The following EFCAB13 variants were observed in gnomAD, a reference collection of about 807,000 sequenced individuals.
EFCAB13 encodes the protein EF-hand calcium-binding domain-containing protein 13.
Under a neutral mutation model 110.2 loss-of-function variants are expected in EFCAB13, and 91 were observed. The ratio of observed to expected loss-of-function variants is 0.83; its 90% CI spans 0.70 to 0.98. The LOEUF (loss-of-function observed/expected upper bound fraction) is 0.98, where lower values mean the gene tolerates loss of function less well. Among genes scored for constraint, EFCAB13 ranks in the 50% least tolerant of loss-of-function variants. The pLI, the probability that EFCAB13 is intolerant of heterozygous loss-of-function variation, is 0.00. For missense variants in EFCAB13, 968 were observed against 1,119.4 expected (o/e 0.86, Z 1.93); for synonymous variants, 323 against 369.9 (o/e 0.87, Z 1.45).
In EFCAB13 at chr17:47,429,862, C is replaced by T. The variant is rs934978890; in HGVS notation, c.2539C>T (p.Leu847=). 3 of 1,611,766 alleles carry T rather than the reference C, an allele frequency of 1.9e-6. No homozygotes were observed. Among genetic ancestry groups the T allele is most frequent in the Non-Finnish European group, 2.5e-6 (3 of 1,178,502 alleles). ...TACTACCCAAATTCTCCAGAATGAT[C>T]TAGTTGATGTCTCTGACCTCAAGAC... ...LATTQILQND[L]VDVSDLKTLL... The change falls in exon 24 of 25, where the codon CTA becomes TTA. Residue 847 remains leucine (L), a synonymous_variant. Coordinates refer to ENST00000331493, the MANE Select transcript of EFCAB13 (RefSeq NM_152347.5).
chr17:47,363,838 A>G (rs1202721819), intron 10 of EFCAB13, among the ~76,000 whole-genome samples: 1 of 152,172 alleles, frequency 6.6e-6, no homozygotes, highest in Non-Finnish European at 1.5e-5. Flanking sequence ...TGGAGATAGA[A>G]TCAGGCCACA....
Position 47,371,068 on chromosome 17 carries a change from T to G in EFCAB13, c.877+560T>G, listed in dbSNP as rs1173947927. Reference sequence around the variant, plus strand: ...TGCCCAGTTTTTAATGGTTGTTTTTTTTTTTTTTTTTTTTTACTGTTGTTT... The same window carrying G: ...TGCCCAGTTTTTAATGGTTGTTTTTGTTTTTTTTTTTTTTTACTGTTGTTT... On this transcript the variant is annotated intron_variant, in intron 11 of 24. Transcript: ENST00000331493. Among the ~76,000 whole-genome samples the G allele has an allele frequency of 2.7e-5, 4 of 150,456 alleles. No individual in the cohort carries two copies. The East Asian group carries it at 7.7e-4, about 29-fold the overall frequency.
intron 9 of EFCAB13, among the ~76,000 whole-genome samples, chr17:47,359,278 A>C (rs1334298490): frequency 6.6e-6 from 1 of 152,124 alleles, no homozygotes; most frequent in Non-Finnish European, 1.5e-5. Context: ...AGGTTGCAGT[A>C]AGCCGAGATC....
At chr17:47,397,251 T>G (rs1182750187) in intron 17 of EFCAB13, among the ~76,000 whole-genome samples, 1 of 152,148 alleles carries the variant, frequency 6.6e-6, no homozygotes, top group Non-Finnish European at 1.5e-5. Flanking sequence ...TAGCCGCGAG[T>G]GATCCGCCAG....
At chr17:47,373,768 C>T (rs2065598487) in intron 11 of EFCAB13, among the ~76,000 whole-genome samples, 2 of 152,104 alleles carry the variant, frequency 1.3e-5, no homozygotes, top group African/African-American at 2.4e-5. Flanking sequence ...TGTTAATTCT[C>T]ATAGAGTCTA....
intron 22 of EFCAB13, among the ~76,000 whole-genome samples, chr17:47,414,239 ATG>A (rs34673520): frequency 5.3e-5 from 8 of 151,498 alleles, no homozygotes; most frequent in South Asian, 4.2e-4. Context: ...GTGACTGTGT[ATG>A]TGTGTGTGTG....
At position 47,374,139 on chromosome 17, in the gene EFCAB13, A is replaced by G. The variant is rs143225815; in HGVS notation, c.878-333A>G. ...TGCCTTTTATAAGTAAGGAATTTCT[A>G]TCTGTATTAGCTTATTAATCTATTA... On this transcript the variant is annotated intron_variant, in intron 11 of 24. Coordinates refer to ENST00000331493, the MANE Select transcript of EFCAB13 (RefSeq NM_152347.5). Among the ~76,000 whole-genome samples the G allele has an allele frequency of 3.9e-5, 6 of 152,232 alleles. No homozygotes were observed. The East Asian group carries it at 1.2e-3, about 29-fold the overall frequency.
In EFCAB13 at chr17:47,324,010, G is replaced by C. The variant is rs1567775759; in HGVS notation, c.-382G>C. The C allele has an allele frequency of 6.6e-6, 1 of 152,580 alleles. No individual in the cohort carries two copies. The highest frequency in any genetic ancestry group is 1.5e-5 in the Non-Finnish European group (1 of 68,384). The allele number at this position is 152,580 out of a possible 1,614,324, so 9.5% of individuals were successfully genotyped here. On this transcript the variant is annotated 5_prime_UTR_variant, in exon 1 of 25. Coordinates refer to ENST00000331493, the MANE Select transcript of EFCAB13 (RefSeq NM_152347.5). Reference sequence around the variant, plus strand: ...CTAGAGCAGCGCCGCCCGAGGGGCGGCAGGGGCTGACCACAGAGAGCGCGG... The same window carrying C: ...CTAGAGCAGCGCCGCCCGAGGGGCGCCAGGGGCTGACCACAGAGAGCGCGG...
chr17:47,326,203 C>G (rs1598713027), intron 2 of EFCAB13, 23 bp from the exon 3 acceptor site: 1 of 151,930 alleles, frequency 6.6e-6, no homozygotes. Flanking sequence ...AATAGACTTT[C>G]TAAGTTAATT....
intron 9 of EFCAB13, among the ~76,000 whole-genome samples, chr17:47,360,071 T>C (rs2065504234): frequency 6.6e-6 from 1 of 152,062 alleles, no homozygotes; most frequent in Non-Finnish European, 1.5e-5. Flanking sequence ...TTGTGAATAG[T>C]GCCGCAATAA....
At chr17:47,389,944 ATG>A (rs2065697041) in intron 14 of EFCAB13, among the ~76,000 whole-genome samples, 1 of 127,148 alleles carries the variant, frequency 7.9e-6, no homozygotes, top group East Asian at 4.6e-4. Flanking sequence ...ATCTTGCTGT[ATG>A]TACTATTTAC....
intron 24 of EFCAB13, 195 bp downstream of exon 24, chr17:47,430,156 T>G: frequency 8.3e-7 from 1 of 1,211,582 alleles, no homozygotes; most frequent in Non-Finnish European, 1.0e-6. Context: ...AAGTCAGAGC[T>G]CATCTTATCC....
At chr17:47,334,654 G>A (rs892271799) in intron 4 of EFCAB13, among the ~76,000 whole-genome samples, 1 of 152,208 alleles carries the variant, frequency 6.6e-6, no homozygotes, top group Non-Finnish European at 1.5e-5. Flanking sequence ...GGTAGCTCAT[G>A]CCTGTAATTC....
intron 21 of EFCAB13, among the ~76,000 whole-genome samples, chr17:47,411,091 T>G (rs1772519005): frequency 2.0e-5 from 3 of 152,222 alleles, no homozygotes; most frequent in Admixed American, 2.0e-4. Context: ...CTCTTAAGGT[T>G]AACTAATATT....
At position 47,391,612 on chromosome 17, in the gene EFCAB13, G is replaced by A. The variant is rs183492468; in HGVS notation, c.1726+32G>A. 3.7e-5 allele frequency: 57 copies of A among 1,527,162 alleles called. 1 individual carries two copies. The Admixed American group carries it at 9.1e-4, about 24-fold the overall frequency. The allele number at this position is 1,527,162 out of a possible 1,614,324, so 94.6% of individuals were successfully genotyped here. On this transcript the variant is annotated intron_variant, in intron 15 of 24. Coordinates refer to ENST00000331493, the MANE Select transcript of EFCAB13 (RefSeq NM_152347.5). ...GATATATTTTCAGGCAAACTGCATTGACACATCTGGAAGGAGGGTCAATTT... is the reference window on the plus strand; with the variant it reads ...GATATATTTTCAGGCAAACTGCATTAACACATCTGGAAGGAGGGTCAATTT...
At chr17:47,370,330 T>C in intron 10 of EFCAB13, 107 bp from the exon 11 acceptor site, 1 of 789,984 alleles carries the variant, frequency 1.3e-6, no homozygotes, top group Non-Finnish European at 2.1e-6. Context: ...TAGTTGGCTC[T>C]TTGTTCCTAC....
chr17:47,407,779 G>A (rs1339427891), intron 20 of EFCAB13, among the ~76,000 whole-genome samples: 1 of 151,912 alleles, frequency 6.6e-6, no homozygotes, highest in Non-Finnish European at 1.5e-5. Flanking sequence ...TTTTAATTTA[G>A]GGAGGTCAGC....
intron 4 of EFCAB13, among the ~76,000 whole-genome samples, chr17:47,329,317 C>T (rs907821712): frequency 6.6e-6 from 1 of 152,036 alleles, no homozygotes; most frequent in East Asian, 1.9e-4. Flanking sequence ...TTAACCCTCA[C>T]TGTTTTCTGG....
At chr17:47,349,931 C>T (rs1023461297) in intron 9 of EFCAB13, among the ~76,000 whole-genome samples, 16 of 151,186 alleles carry the variant, frequency 1.1e-4, no homozygotes, top group African/African-American at 2.2e-4. Flanking sequence ...CCCGCCACCG[C>T]GCCTGGCTAA....
Sources: gnomAD v4.1 joint callset for allele counts (sites outside exome capture counted in the v4.1 genomes callset) on GRCh38, gnomAD v4.1.1 for gene constraint, MANE v1.5 for transcripts, NCBI Gene and HGNC (gene_info 2026-07-23, HGNC 2026-07-21) for gene names.